Variants in PDE4D observed in about 807,000 individuals in gnomAD.
PDE4D encodes 3',5'-cyclic-AMP phosphodiesterase 4D.
PDE4D carries 24 observed loss-of-function variants against 87.4 expected under a neutral mutation model. The ratio of observed to expected loss-of-function variants is 0.27; its 90% confidence interval spans 0.20 to 0.39. PDE4D has a LOEUF of 0.39. Ranked by LOEUF, PDE4D falls within the 10% of genes least tolerant of loss-of-function variation. The probability of loss-of-function intolerance (pLI) is 1.00; values close to 1 mark genes in which losing one functional copy is unlikely to be tolerated. For synonymous variants in PDE4D, 384 were observed against 383.2 expected (o/e 1.00, Z -0.02); for missense variants, 714 against 1,041.0 (o/e 0.69, Z 4.32).
chr5:59,144,890 T>TGG (rs398064847), intron 5 of PDE4D, among the ~76,000 whole-genome samples: 22 of 43,804 alleles, frequency 5.0e-4, no homozygotes, highest in South Asian at 3.9e-3. Flanking sequence ...TAGGGTTTAA[T>TGG]GGGGGGGGGG....
At chr5:60,493,365 A>G (rs1452243045) in intron 1 of PDE4D, among the ~76,000 whole-genome samples, 5 of 152,246 alleles carry the variant, frequency 3.3e-5, no homozygotes, top group African/African-American at 1.2e-4. Context: ...TCCAAAATAC[A>G]TGAACCATGT....
chr5:59,463,018 T>C (rs1298244472), intron 1 of PDE4D, among the ~76,000 whole-genome samples: 1 of 152,168 alleles, frequency 6.6e-6, no homozygotes, highest in Admixed American at 6.6e-5. Context: ...TTGTAAGCAG[T>C]TGCAATGACT....
At chr5:59,677,240 A>G (rs1010077974) in intron 1 of PDE4D, among the ~76,000 whole-genome samples, 2 of 152,160 alleles carry the variant, frequency 1.3e-5, no homozygotes, top group African/African-American at 4.8e-5. Flanking sequence ...GCTGGGGGGA[A>G]CATATTAAAA....
At chr5:60,177,741 T>A (rs36121096) in intron 2 of PDE4D, among the ~76,000 whole-genome samples, 2,304 of 152,310 alleles carry the variant, frequency 0.015, 26 homozygotes, top group Middle Eastern at 0.044. Context: ...TTGAAAGAAA[T>A]CTTTTCGTTT....
chr5:59,907,694 T>G (rs998808162), intron 3 of PDE4D, among the ~76,000 whole-genome samples: 5 of 152,174 alleles, frequency 3.3e-5, no homozygotes, highest in African/African-American at 1.2e-4. Context: ...CTTGTCATCT[T>G]TGAGCGAAAA....
chr5:59,742,792 A>C (rs1759054991), intron 1 of PDE4D, among the ~76,000 whole-genome samples: 1 of 152,186 alleles, frequency 6.6e-6, no homozygotes, highest in South Asian at 2.1e-4. Context: ...GTATTCTTTC[A>C]CATTGGCCTC....
At chr5:60,282,208 C>CATATATATATACATATATATATATAT (rs1235728150) in intron 1 of PDE4D, among the ~76,000 whole-genome samples, 4 of 128,380 alleles carry the variant, frequency 3.1e-5, no homozygotes, top group African/African-American at 1.1e-4. Flanking sequence ...GAGAAATAAA[C>CATATATATATACATATATATATATAT]ATATATATAT....
chr5:59,333,174 G>A (rs1057204343), intron 1 of PDE4D, among the ~76,000 whole-genome samples: 4 of 152,068 alleles, frequency 2.6e-5, no homozygotes, highest in South Asian at 4.2e-4. Context: ...ACAAATCCGC[G>A]AATCCAGTTC....
intron 1 of PDE4D, among the ~76,000 whole-genome samples, chr5:59,757,965 A>C (rs1309655375): frequency 6.6e-6 from 1 of 152,196 alleles, no homozygotes; most frequent in Non-Finnish European, 1.5e-5. Flanking sequence ...GAGATTCCAC[A>C]CCAAAAAAGG....
intron 1 of PDE4D, among the ~76,000 whole-genome samples, chr5:59,594,686 G>GA (rs1282554742): frequency 6.6e-6 from 1 of 151,854 alleles, no homozygotes; most frequent in Non-Finnish European, 1.5e-5. Context: ...CAGCTATGAA[G>GA]AAAAAATTAC....
chr5:60,179,112 A>T (rs1784171037), intron 2 of PDE4D, among the ~76,000 whole-genome samples: 1 of 152,160 alleles, frequency 6.6e-6, no homozygotes, highest in South Asian at 2.1e-4. Context: ...AAGAGTTATA[A>T]GCTAAATGTC....
At chr5:60,406,223 A>G (rs1741518687) in intron 1 of PDE4D, among the ~76,000 whole-genome samples, 1 of 152,238 alleles carries the variant, frequency 6.6e-6, no homozygotes, top group Admixed American at 6.5e-5. Context: ...GCAGTGGATG[A>G]GAAGTATGTG....
At chr5:59,120,730 G>T (rs527934952) in intron 5 of PDE4D, among the ~76,000 whole-genome samples, 3 of 151,608 alleles carry the variant, frequency 2.0e-5, no homozygotes, top group Admixed American at 1.3e-4. Context: ...GCAATCCTGA[G>T]CAAAAAGAAC....
At chr5:59,668,845 G>GGAAGAGGAAGAA (rs1561441240) in intron 1 of PDE4D, among the ~76,000 whole-genome samples, 13 of 62,182 alleles carry the variant, frequency 2.1e-4, no homozygotes, top group Admixed American at 6.9e-4. Context: ...AAGAGGAAGA[G>GGAAGAGGAAGAA]GAAGAAGAAG....
At chr5:59,007,553 G>C (rs1272380122) in intron 6 of PDE4D, among the ~76,000 whole-genome samples, 2 of 152,042 alleles carry the variant, frequency 1.3e-5, no homozygotes, top group Admixed American at 1.3e-4. Context: ...AATGTTACAT[G>C]TATTTTCATA....
At chr5:59,827,062 G>A (rs536964688) in intron 1 of PDE4D, among the ~76,000 whole-genome samples, 1 of 151,938 alleles carries the variant, frequency 6.6e-6, no homozygotes, top group Non-Finnish European at 1.5e-5. Flanking sequence ...CAGATTTAAG[G>A]TAAATTATCT....
At position 59,397,644 on chromosome 5, in the gene PDE4D, G is replaced by T. The variant is rs1366916712; in HGVS notation, c.456-181676C>A. On this transcript the variant is annotated intron_variant, in intron 1 of 14. Transcript: ENST00000340635. ...GAGAAAGCAGGAAAGATCCAAAATT[G>T]ACACCCTAACATCACAAGTAAAAGA... Among the ~76,000 whole-genome samples the T allele has an allele frequency of 1.4e-3, 165 of 115,626 alleles. 28 individuals are homozygous for T. Among genetic ancestry groups the T allele is most frequent in the Non-Finnish European group, 2.1e-3 (117 of 55,054 alleles). The allele number at this position is 115,626 out of a possible 152,430, so 75.9% of individuals were successfully genotyped here.
intron 1 of PDE4D, among the ~76,000 whole-genome samples, chr5:60,399,264 A>G (rs147255788): frequency 1.6e-4 from 24 of 152,336 alleles, no homozygotes; most frequent in African/African-American, 5.8e-4. Context: ...GAACTGAAGG[A>G]TATCTCTTTA....
At chr5:58,998,279 G>A (rs184838398) in intron 6 of PDE4D, among the ~76,000 whole-genome samples, 133 of 152,154 alleles carry the variant, frequency 8.7e-4, no homozygotes, top group African/African-American at 3.1e-3. Context: ...TGGCAATATT[G>A]TTCATAATCA....
Sources: allele counts gnomAD v4.1 joint callset (sites outside exome capture counted in the v4.1 genomes callset), GRCh38; gene constraint gnomAD v4.1.1; transcripts MANE v1.5; gene names NCBI Gene and HGNC (gene_info 2026-07-23, HGNC 2026-07-21).